BAIAP2L1: variants seen among roughly 807,000 people sequenced by gnomAD.
BAIAP2L1 encodes the protein BAR/IMD domain containing adaptor protein 2 like 1, also known as BAR/IMD domain-containing adapter protein 2-like 1.
A neutral mutation model predicts 66.3 loss-of-function variants in BAIAP2L1; 35 were observed. The ratio of observed to expected loss-of-function variants is 0.53; its 90% CI spans 0.40 to 0.70. BAIAP2L1 has a LOEUF of 0.70. BAIAP2L1 is among the 30% of genes least tolerant of loss of function. The pLI, the probability that BAIAP2L1 is intolerant of heterozygous loss-of-function variation, is 0.00. For missense variants in BAIAP2L1, 622 were observed against 656.9 expected, an observed-to-expected ratio of 0.95 and a Z score of 0.58; for synonymous variants, 269 against 248.7, an observed-to-expected ratio of 1.08 and a Z score of -0.77.
chr7:98,350,131 C>T (rs2115672292), intron 3 of BAIAP2L1, among the ~76,000 whole-genome samples: 1 of 151,740 alleles, frequency 6.6e-6, no homozygotes, highest in Middle Eastern at 3.4e-3. Context: ...AAAAAAAGAA[C>T]ATACTGACTG....
chr7:98,308,318 AAAG>A (rs1252998307), intron 9 of BAIAP2L1: 10 of 458,922 alleles, frequency 2.2e-5, no homozygotes, highest in African/African-American at 4.0e-5. Flanking sequence ...TCCACAAAGA[AAAG>A]AAGAAAGCTG....
intron 1 of BAIAP2L1, chr7:98,386,253 G>A (rs1802888182): frequency 1.3e-6 from 2 of 1,589,680 alleles, no homozygotes; most frequent in African/African-American, 1.3e-5. Flanking sequence ...TTTTGACCAT[G>A]GAACACATTT....
Position 98,317,225 on chromosome 7 carries a change from T to A in BAIAP2L1, c.480A>T (p.Glu160Asp), listed in dbSNP as rs1470107082. Residue 160 changes from glutamate (E) to aspartate (D), a missense_variant, in exon 6 of 14, where the codon GAA becomes GAT. Glu to Asp is a conservative substitution (Grantham distance 45). Transcript: ENST00000005260. The stretch of plus-strand genomic sequence containing the variant: ...ATATTGTTGAAAAGCTCACCTCAAT[T>A]TCTTTGTGTTCATATTTGAGTGCGT... The part of the protein sequence containing the change: ...SRNALKYEHK[E>D]IEYVETVTSR... 2 of 1,614,222 alleles carry A rather than the reference T, an allele frequency of 1.2e-6. No individual in the cohort carries two copies. Among genetic ancestry groups the A allele is most frequent in the Middle Eastern group, 1.6e-4 (1 of 6,062 alleles).
At chr7:98,330,580 C>T (rs542717131) in intron 3 of BAIAP2L1, among the ~76,000 whole-genome samples, 23 of 152,260 alleles carry the variant, frequency 1.5e-4, no homozygotes, top group African/African-American at 5.5e-4. Context: ...TCGCTTGAAC[C>T]CTGTAGGCGG....
intron 1 of BAIAP2L1, among the ~76,000 whole-genome samples, chr7:98,396,772 A>G (rs1803219101): frequency 6.6e-6 from 1 of 152,226 alleles, no homozygotes; most frequent in South Asian, 2.1e-4. Context: ...TGAGCAACAA[A>G]GCAAGACCCT....
intron 1 of BAIAP2L1, among the ~76,000 whole-genome samples, chr7:98,372,927 A>G (rs987742455): frequency 1.3e-5 from 2 of 151,980 alleles, no homozygotes; most frequent in South Asian, 2.1e-4. Flanking sequence ...CTTGGTAGAG[A>G]TGGGGTTTCG....
intron 1 of BAIAP2L1, among the ~76,000 whole-genome samples, chr7:98,363,507 G>A (rs909392044): frequency 4.6e-5 from 7 of 152,148 alleles, no homozygotes; most frequent in Admixed American, 2.0e-4. Flanking sequence ...TCCTGTATCA[G>A]CAGAAAGTCA....
Position 98,400,953 on chromosome 7 carries a change from T to C in BAIAP2L1, c.-101A>G. 1.8e-6 allele frequency: 2 copies of C among 1,129,038 alleles called. No individual in the cohort carries two copies. Among genetic ancestry groups the C allele is most frequent in the East Asian group, 3.3e-5 (1 of 29,878 alleles). 69.9% of individuals were successfully genotyped at this position (1,129,038 alleles called of 1,614,324 possible). On this transcript the variant is annotated 5_prime_UTR_variant, in exon 1 of 14. Transcript: ENST00000005260. Reference sequence around the variant, plus strand: ...GGGCCGGGGCGCGACTAAGGGGCTCTGGAGGGTCGGCCGCCGCCGCAGCCG... The same window carrying C: ...GGGCCGGGGCGCGACTAAGGGGCTCCGGAGGGTCGGCCGCCGCCGCAGCCG...
At chr7:98,393,172 T>TGTGTAC (rs1803108379) in intron 1 of BAIAP2L1, among the ~76,000 whole-genome samples, 1 of 118,154 alleles carries the variant, frequency 8.5e-6, no homozygotes, top group African/African-American at 2.7e-5. Context: ...TATATGTATA[T>TGTGTAC]ATATACATAT....
chr7:98,365,168 TTTTG>T (rs148607151), intron 1 of BAIAP2L1, among the ~76,000 whole-genome samples: 401 of 152,088 alleles, frequency 2.6e-3, no homozygotes, highest in Non-Finnish European at 4.2e-3. Context: ...CCAGCATTTT[TTTTG>T]TTTGTTTTTC....
chr7:98,394,950 A>G (rs1803164928), intron 1 of BAIAP2L1, among the ~76,000 whole-genome samples: 1 of 151,006 alleles, frequency 6.6e-6, no homozygotes, highest in Non-Finnish European at 1.5e-5. Flanking sequence ...TGTCTCCACT[A>G]AAAATACAAA....
intron 3 of BAIAP2L1, among the ~76,000 whole-genome samples, chr7:98,345,955 ACAGC>A (rs1383556571): frequency 1.3e-5 from 2 of 152,112 alleles, no homozygotes; most frequent in Non-Finnish European, 2.9e-5. Flanking sequence ...TTAAAGATGT[ACAGC>A]AAATGAATGG....
rs546368623 is a variant in BAIAP2L1, at chr7:98,393,102, T to C, written c.51+7700A>G. ...ACACACATATATACATATATACGTG[T>C]ACATATATGTACACATATATGTATA... On this transcript the variant is annotated intron_variant, in intron 1 of 13. Transcript: ENST00000005260. 8.4e-5 allele frequency among the ~76,000 whole-genome samples: 8 copies of C among 95,120 alleles called. 1 individual carries two copies. In the South Asian group the frequency reaches 2.4e-3, roughly 28 times the overall value. The allele number at this position is 95,120 out of a possible 152,430, so 62.4% of individuals were successfully genotyped here. A position where few individuals can be genotyped will look rare whatever the true frequency, so the allele number is the denominator to read the frequency against.
chr7:98,320,922 C>T (rs1349582595), intron 3 of BAIAP2L1, among the ~76,000 whole-genome samples: 9 of 152,166 alleles, frequency 5.9e-5, no homozygotes, highest in African/African-American at 2.2e-4. Flanking sequence ...AGTGGCACGA[C>T]CTTGGCTCAC....
intron 3 of BAIAP2L1, among the ~76,000 whole-genome samples, chr7:98,346,698 G>A (rs1801878641): frequency 6.6e-6 from 1 of 152,174 alleles, no homozygotes; most frequent in Admixed American, 6.6e-5. Context: ...GTGTAGCTGC[G>A]TTGCCTCCTT....
intron 1 of BAIAP2L1, among the ~76,000 whole-genome samples, chr7:98,394,895 T>A (rs1584510888): frequency 6.6e-6 from 1 of 152,132 alleles, no homozygotes; most frequent in African/African-American, 2.4e-5. Context: ...GCGGATCACC[T>A]GAGGTCGGGA....
chr7:98,315,846 G>A (rs188682471), intron 6 of BAIAP2L1, among the ~76,000 whole-genome samples: 8 of 152,100 alleles, frequency 5.3e-5, no homozygotes, highest in East Asian at 1.9e-4. Context: ...ACATTCCCAC[G>A]GGGCAATTTG....
rs554388980 is a variant in BAIAP2L1, at chr7:98,304,999, G to A, written c.1242-623C>T. Among the ~76,000 whole-genome samples, 11 of 150,564 alleles carry A rather than the reference G, an allele frequency of 7.3e-5. No homozygotes were observed. In the South Asian group the frequency reaches 8.4e-4, roughly 11 times the overall value. The stretch of plus-strand genomic sequence containing the variant: ...TCCTGCCTCAGCCTCCCAAGTAGCC[G>A]GGATTACAGGCGCCTGCCACCACGC... On this transcript the variant is annotated intron_variant, in intron 11 of 13. Transcript: ENST00000005260.
At chr7:98,388,522 G>T (rs999929840) in intron 1 of BAIAP2L1, among the ~76,000 whole-genome samples, 1 of 152,084 alleles carries the variant, frequency 6.6e-6, no homozygotes, top group East Asian at 1.9e-4. Context: ...CCCATGTTTT[G>T]CATGTTTAAA....
Sources: gnomAD v4.1 joint callset for allele counts (sites outside exome capture counted in the v4.1 genomes callset) on GRCh38, gnomAD v4.1.1 for gene constraint, MANE v1.5 for transcripts, NCBI Gene and HGNC (gene_info 2026-07-23, HGNC 2026-07-21) for gene names.